The following OPCML variants were observed in gnomAD, a reference collection of about 807,000 sequenced individuals.
OPCML encodes the protein opioid binding protein/cell adhesion molecule like, also known as opioid-binding protein/cell adhesion molecule.
Under a neutral mutation model 37.8 loss-of-function variants are expected in OPCML, and 13 were observed. The ratio of observed to expected loss-of-function variants is 0.34; its 90% CI spans 0.22 to 0.55. OPCML has a LOEUF of 0.55. Among genes scored for constraint, OPCML ranks in the 20% least tolerant of loss-of-function variants. The pLI is 0.91. For synonymous variants in OPCML, 176 were observed against 168.8 expected (o/e 1.04, Z -0.33); for missense variants, 341 against 435.6 (o/e 0.78, Z 1.93).
At chr11:132,718,280 A>G (rs905882535) in intron 2 of OPCML, among the ~76,000 whole-genome samples, 25 of 152,184 alleles carry the variant, frequency 1.6e-4, no homozygotes, top group African/African-American at 6.0e-4. Context: ...TGGTGGGTTC[A>G]GGTGTTATGG....
At chr11:132,604,283 A>AG (rs1938126564) in intron 3 of OPCML, among the ~76,000 whole-genome samples, 1 of 149,470 alleles carries the variant, frequency 6.7e-6, no homozygotes, top group Non-Finnish European at 1.5e-5. Context: ...TATTTTCGTA[A>AG]AAAAAAAAAT....
intron 1 of OPCML, among the ~76,000 whole-genome samples, chr11:133,246,885 G>T (rs1940943977): frequency 6.6e-6 from 1 of 152,182 alleles, no homozygotes; most frequent in African/African-American, 2.4e-5. Flanking sequence ...GAATTGGCAG[G>T]GTTGGTAGTA....
At chr11:133,267,204 T>A (rs772309106) in intron 1 of OPCML, among the ~76,000 whole-genome samples, 4 of 152,242 alleles carry the variant, frequency 2.6e-5, no homozygotes, top group Non-Finnish European at 4.4e-5. Flanking sequence ...ACTCGCAGTT[T>A]GATTTGGACC....
chr11:132,886,198 A>ATTTATTATTTCTATTTTATTT (rs1943408514), intron 2 of OPCML, among the ~76,000 whole-genome samples: 1 of 152,220 alleles, frequency 6.6e-6, no homozygotes, highest in Non-Finnish European at 1.5e-5. Flanking sequence ...ATTTGTAAGC[A>ATTTATTATTTCTATTTTATTT]TTTATTATTT....
chr11:132,576,127 GT>G (rs1389734541), intron 3 of OPCML, among the ~76,000 whole-genome samples: 1 of 151,816 alleles, frequency 6.6e-6, no homozygotes, highest in Non-Finnish European at 1.5e-5. Context: ...ATGTTTATTG[GT>G]GCTAGAATTT....
Position 132,420,041 on chromosome 11 carries a change from C to A in OPCML, c.*152G>T, listed in dbSNP as rs2095952244. ...CACTCATTCAAGCTGGAAATAAAAG[C>A]AAACAAACAAATAAACAAAAACAAA... is the stretch of plus-strand genomic sequence containing the variant. On this transcript the variant is annotated 3_prime_UTR_variant, in exon 8 of 8. Coordinates refer to ENST00000524381, the MANE Select transcript of OPCML (RefSeq NM_001012393.5). 2.4e-6 allele frequency: 1 copy of A among 408,974 alleles called. No homozygotes were observed. Among genetic ancestry groups the A allele is most frequent in the African/African-American group, 2.1e-5 (1 of 46,896 alleles). The allele number at this position is 408,974 out of a possible 1,614,324, so 25.3% of individuals were successfully genotyped here.
At chr11:132,667,836 T>C (rs538181960) in intron 2 of OPCML, among the ~76,000 whole-genome samples, 83 of 152,308 alleles carry the variant, frequency 5.4e-4, no homozygotes, top group South Asian at 2.3e-3. Flanking sequence ...ATAGGCTATG[T>C]TGAGGTCCCA....
chr11:133,184,539 A>T (rs141167028), intron 1 of OPCML, among the ~76,000 whole-genome samples: 2 of 152,252 alleles, frequency 1.3e-5, no homozygotes, highest in Non-Finnish European at 2.9e-5. Context: ...CATGGCAGAA[A>T]CATCTGTGCC....
intron 1 of OPCML, among the ~76,000 whole-genome samples, chr11:133,380,124 G>T (rs1944900514): frequency 6.6e-6 from 1 of 152,124 alleles, no homozygotes; most frequent in Admixed American, 6.5e-5. Flanking sequence ...GCTGGCAGAG[G>T]ATGAAAATAT....
chr11:132,443,751 A>G (rs1215997704), intron 4 of OPCML, among the ~76,000 whole-genome samples: 1 of 152,106 alleles, frequency 6.6e-6, no homozygotes, highest in African/African-American at 2.4e-5. Context: ...GTCTGAAACC[A>G]CCTCCTCCCC....
chr11:132,690,665 T>C (rs1943363641), intron 2 of OPCML, among the ~76,000 whole-genome samples: 1 of 152,122 alleles, frequency 6.6e-6, no homozygotes, highest in Admixed American at 6.5e-5. Flanking sequence ...GATGTTTGAG[T>C]GTGTACGTGT....
chr11:132,860,118 T>C (rs377497703), intron 2 of OPCML: 3 of 152,230 alleles, frequency 2.0e-5, no homozygotes, highest in Middle Eastern at 3.2e-3. Context: ...ATTTCGTGTA[T>C]GCAAAGCAGC....
chr11:132,856,534 T>C (rs972567207), intron 2 of OPCML, among the ~76,000 whole-genome samples: 8 of 152,142 alleles, frequency 5.3e-5, no homozygotes, highest in Non-Finnish European at 7.3e-5. Flanking sequence ...AGTCTCCCAA[T>C]TGATAGAAAA....
chr11:133,136,292 T>C (rs913942152), intron 1 of OPCML, among the ~76,000 whole-genome samples: 29 of 152,178 alleles, frequency 1.9e-4, no homozygotes, highest in Non-Finnish European at 3.2e-4. Flanking sequence ...ATAAAGCTTT[T>C]GACTGTGGTG....
intron 2 of OPCML, among the ~76,000 whole-genome samples, chr11:132,786,609 G>T (rs1947219651): frequency 6.6e-6 from 1 of 152,008 alleles, no homozygotes; most frequent in Non-Finnish European, 1.5e-5. Context: ...AGATAACTAT[G>T]CAAAAGACAC....
At chr11:132,902,099 A>T (rs1944084010) in intron 2 of OPCML, among the ~76,000 whole-genome samples, 1 of 152,214 alleles carries the variant, frequency 6.6e-6, no homozygotes, top group Non-Finnish European at 1.5e-5. Context: ...AAAACCGTCC[A>T]GTGGGAGGCC....
In OPCML at chr11:133,173,850, A is replaced by G. The variant is rs7106493; in HGVS notation, c.62-230840T>C. 0.1 allele frequency among the ~76,000 whole-genome samples: 15,787 copies of G among 152,228 alleles called. 2,764 individuals are homozygous for G. Among genetic ancestry groups the G allele is most frequent in the African/African-American group, 0.36 (15,002 of 41,490 alleles). ...ATGCAGGCCTTGAGTTTATGAGGCA[A>G]ATAATGAAGTTGATAAATGGGTCTG... On this transcript the variant is annotated intron_variant, in intron 1 of 7. Transcript: ENST00000524381. The surrounding 1 kb of genome is among the most constrained non-coding windows in gnomAD (Gnocchi z 7.8).
chr11:132,460,952 C>A (rs1252830707), intron 4 of OPCML, among the ~76,000 whole-genome samples: 1 of 152,108 alleles, frequency 6.6e-6, no homozygotes, highest in Non-Finnish European at 1.5e-5. Context: ...ATAAACAAAG[C>A]ATTTCATGAA....
intron 1 of OPCML, among the ~76,000 whole-genome samples, chr11:133,359,493 G>A (rs1206373723): frequency 5.3e-5 from 8 of 152,270 alleles, no homozygotes; most frequent in Admixed American, 3.9e-4. Flanking sequence ...CAGGTACTCC[G>A]CAGAGCAATT....
Sources: allele counts gnomAD v4.1 joint callset (sites outside exome capture counted in the v4.1 genomes callset), GRCh38; gene constraint gnomAD v4.1.1; non-coding constraint Gnocchi (gnomAD v3.1); transcripts MANE v1.5; gene names NCBI Gene and HGNC (gene_info 2026-07-23, HGNC 2026-07-21).